TRIB2: variants seen among roughly 807,000 people sequenced by gnomAD.
TRIB2 encodes the protein tribbles homolog 2.
Under a neutral mutation model 26.8 loss-of-function variants are expected in TRIB2, and 2 were observed. The ratio of observed to expected loss-of-function variants is 0.07; its 90% CI spans 0.03 to 0.24. TRIB2 has a LOEUF of 0.24. TRIB2 is among the 10% of genes least tolerant of loss of function. The probability of loss-of-function intolerance (pLI) is 1.00; values close to 1 mark genes in which losing one functional copy is unlikely to be tolerated. For missense variants in TRIB2, 306 were observed against 449.0 expected, an observed-to-expected ratio of 0.68 and a Z score of 2.88; for synonymous variants, 189 against 187.3, an observed-to-expected ratio of 1.01 and a Z score of -0.08.
intron 2 of TRIB2, among the ~76,000 whole-genome samples, chr2:12,731,822 C>T (rs1181021032): frequency 6.6e-6 from 1 of 152,178 alleles, no homozygotes; most frequent in African/African-American, 2.4e-5. Context: ...ACACCTGGAA[C>T]AAGACTGGGA....
At chr2:12,725,362 C>T (rs1200111203) in intron 2 of TRIB2, among the ~76,000 whole-genome samples, 1 of 152,200 alleles carries the variant, frequency 6.6e-6, no homozygotes, top group Non-Finnish European at 1.5e-5. Flanking sequence ...AAAGTGGACC[C>T]GGAGGTTGCA....
chr2:12,735,451 G>A (rs1019776588), intron 2 of TRIB2, among the ~76,000 whole-genome samples: 3 of 151,942 alleles, frequency 2.0e-5, no homozygotes, highest in Non-Finnish European at 2.9e-5. Flanking sequence ...GGTTTCCTCC[G>A]CCAGCTGCTT....
rs749693547 is a variant in TRIB2 at position 12,740,980 on chromosome 2, G to C, written c.*186G>C. 3.2e-6 allele frequency: 2 copies of C among 616,564 alleles called. No homozygotes were observed. The highest frequency in any genetic ancestry group is 3.7e-5 in the African/African-American group (2 of 54,086). 38.2% of individuals were successfully genotyped at this position (616,564 alleles called of 1,614,324 possible). ...CGTAGCATGGGGGCAAGAGGCGTGG[G>C]ATGGGGATTGGGGTGAGATGGATGG... On this transcript the variant is annotated 3_prime_UTR_variant, in exon 3 of 3. Transcript: ENST00000155926. The surrounding 1 kb of genome is among the most constrained non-coding windows in gnomAD (Gnocchi z 5.8).
In TRIB2 at chr2:12,741,400, T is replaced by G. The variant is rs1176; in HGVS notation, c.*606T>G. ...TTTCTTCTAAATAAACTATTTAATA[T>G]CCTGGTCAGGAAATGACATGTTAAT... is the stretch of plus-strand genomic sequence containing the variant. On this transcript the variant is annotated 3_prime_UTR_variant, in exon 3 of 3. Coordinates refer to ENST00000155926, the MANE Select transcript of TRIB2 (RefSeq NM_021643.4). 15,102 of 153,030 alleles carry G rather than the reference T, an allele frequency of 0.099. 1,040 individuals are homozygous for G. The highest frequency in any genetic ancestry group is 0.15 in the Non-Finnish European group (10,472 of 68,296). The allele number at this position is 153,030 out of a possible 1,614,324, so 9.5% of individuals were successfully genotyped here. A position where few individuals can be genotyped will look rare whatever the true frequency, so the allele number is the denominator to read the frequency against.
In TRIB2 at chr2:12,718,466, C is replaced by A. The variant is rs763434178; in HGVS notation, c.159C>A (p.Asn53Lys). Residue 53 changes from asparagine (N) to lysine (K), a missense_variant, in exon 1 of 3, where the codon AAC becomes AAA. Asn to Lys is a moderately conservative substitution (Grantham distance 94, BLOSUM62 0). Transcript: ENST00000155926. The surrounding 1 kb of genome is among the most constrained non-coding windows in gnomAD (Gnocchi z 4.0). The stretch of plus-strand genomic sequence containing the variant: ...CCCCGAGCCCGCCCGAGACTCCGAA[C>A]TTGTCGCATTGCGTTTCTTGTATCG... Reference protein sequence around the residue: ...LGSPSPPETPNLSHCVSCIGK... With the variant: ...LGSPSPPETPKLSHCVSCIGK... The A allele has an allele frequency of 2.5e-6, 4 of 1,614,250 alleles. No homozygotes were observed. Among genetic ancestry groups the A allele is most frequent in the Non-Finnish European group, 3.4e-6 (4 of 1,180,046 alleles).
rs532585565 is a variant in TRIB2, at chr2:12,731,451, T to C, written c.563+7899T>C. Among the ~76,000 whole-genome samples, 10 of 152,084 alleles carry C rather than the reference T, an allele frequency of 6.6e-5. No individual in the cohort carries two copies. In the South Asian group the frequency reaches 8.3e-4, roughly 13 times the overall value. The stretch of plus-strand genomic sequence containing the variant: ...ATGGGTTTGTGATTCCGGAAGTACA[T>C]GTGAAAGATGAACTGGGTAAAGCAG... On this transcript the variant is annotated intron_variant, in intron 2 of 2. Coordinates refer to ENST00000155926, the MANE Select transcript of TRIB2 (RefSeq NM_021643.4).
chr2:12,720,544 A>ATCT (rs375446131), intron 1 of TRIB2, among the ~76,000 whole-genome samples: 454 of 152,342 alleles, frequency 3.0e-3, no homozygotes, highest in African/African-American at 0.011. Flanking sequence ...CCTGAGAGAT[A>ATCT]TATATGCTGT....
At chr2:12,727,420 ATAGGGGT>A (rs1262125481) in intron 2 of TRIB2, among the ~76,000 whole-genome samples, 2 of 152,208 alleles carry the variant, frequency 1.3e-5, no homozygotes, top group Admixed American at 1.3e-4. Context: ...CCCTTGTGAC[ATAGGGGT>A]TCAGATTTAG....
In TRIB2 at chr2:12,718,583, G is replaced by A. The variant is rs748317982; in HGVS notation, c.270+6G>A. 5 of 1,606,650 alleles carry A rather than the reference G, an allele frequency of 3.1e-6. No individual in the cohort carries two copies. The South Asian group carries it at 5.5e-5, about 18-fold the overall frequency. On this transcript the variant is annotated splice_donor_region_variant and intron_variant, in intron 1 of 2. Coordinates refer to ENST00000155926, the MANE Select transcript of TRIB2 (RefSeq NM_021643.4). This position sits in a 1 kb window ranked among gnomAD's most constrained non-coding sequence, Gnocchi z 4.0. ...GAGAGGAGCTGGTGTGCAAGGTAAA[G>A]GGCCAGTGGGTTGCTTTTTGTCTTT...
chr2:12,738,769 C>G (rs922181766), intron 2 of TRIB2, among the ~76,000 whole-genome samples: 1 of 152,124 alleles, frequency 6.6e-6, no homozygotes, highest in Non-Finnish European at 1.5e-5. Flanking sequence ...TGACTTTCAC[C>G]ATAGCCTTGA....
At chr2:12,725,379 G>T (rs1367853369) in intron 2 of TRIB2, among the ~76,000 whole-genome samples, 1 of 152,242 alleles carries the variant, frequency 6.6e-6, no homozygotes, top group Non-Finnish European at 1.5e-5. Flanking sequence ...TGCATAGTCT[G>T]TGTGGCACTC....
chr2:12,742,216 T>A lies in TRIB2; in HGVS notation c.*1422T>A, dbSNP rs1191573737. The A allele has an allele frequency of 2.0e-5, 3 of 152,690 alleles. No individual in the cohort carries two copies. Among genetic ancestry groups the A allele is most frequent in the African/African-American group, 7.2e-5 (3 of 41,476 alleles). The allele number at this position is 152,690 out of a possible 1,614,324, so 9.5% of individuals were successfully genotyped here. Reference sequence around the variant, plus strand: ...ATTGCTGTATGATACAGAACTCTTTTGGCATAAATATTTGTGTTCCCAGTA... The same window carrying A: ...ATTGCTGTATGATACAGAACTCTTTAGGCATAAATATTTGTGTTCCCAGTA... On this transcript the variant is annotated 3_prime_UTR_variant, in exon 3 of 3. Coordinates refer to ENST00000155926, the MANE Select transcript of TRIB2 (RefSeq NM_021643.4).
intron 2 of TRIB2, among the ~76,000 whole-genome samples, chr2:12,725,945 C>T (rs1037817015): frequency 1.2e-4 from 18 of 152,222 alleles, no homozygotes; most frequent in African/African-American, 4.1e-4. Flanking sequence ...TCCATCTGAT[C>T]AGTGAGGTTA....
chr2:12,741,285 C>T lies in TRIB2; in HGVS notation c.*491C>T, dbSNP rs542628717. 43 of 156,738 alleles carry T rather than the reference C, an allele frequency of 2.7e-4. 1 individual carries two copies. Among genetic ancestry groups the T allele is most frequent in the Non-Finnish European group, 5.4e-4 (38 of 70,574 alleles). 9.7% of individuals were successfully genotyped at this position (156,738 alleles called of 1,614,324 possible). On this transcript the variant is annotated 3_prime_UTR_variant, in exon 3 of 3. Coordinates refer to ENST00000155926, the MANE Select transcript of TRIB2 (RefSeq NM_021643.4). ...ATGAGGTTCACTTAAAAAAAAAATT[C>T]GGTGCACACAGACTGACATGAAACC... is the stretch of plus-strand genomic sequence containing the variant.
Position 12,740,887 on chromosome 2 carries a change from A to G in TRIB2, c.*93A>G. On this transcript the variant is annotated 3_prime_UTR_variant, in exon 3 of 3. Coordinates refer to ENST00000155926, the MANE Select transcript of TRIB2 (RefSeq NM_021643.4). This position sits in a 1 kb window ranked among gnomAD's most constrained non-coding sequence, Gnocchi z 5.8. The stretch of plus-strand genomic sequence containing the variant: ...GGGGACACGAATTGCCTGGCTGAGT[A>G]GCAAGAAAGACACACTCTTAAGTTT... The G allele has an allele frequency of 8.4e-7, 1 of 1,189,334 alleles. No homozygotes were observed. The highest frequency in any genetic ancestry group is 1.2e-6 in the Non-Finnish European group (1 of 843,414). The allele number at this position is 1,189,334 out of a possible 1,614,324, so 73.7% of individuals were successfully genotyped here.
At position 12,740,315 on chromosome 2, in the gene TRIB2, C is replaced by T. The variant is rs1661686331; in HGVS notation, c.564-11C>T. 6.2e-7 allele frequency: 1 copy of T among 1,610,318 alleles called. No homozygotes were observed. Among genetic ancestry groups the T allele is most frequent in the Non-Finnish European group, 8.5e-7 (1 of 1,177,242 alleles). ...ACCCTCAGGAGCTTATGTTTTCCTC[C>T]TTTCTTGCAGGACTCGGGTCAAGCT... On this transcript the variant is annotated splice_polypyrimidine_tract_variant and intron_variant, in intron 2 of 2. Coordinates refer to ENST00000155926, the MANE Select transcript of TRIB2 (RefSeq NM_021643.4). The surrounding 1 kb of genome is among the most constrained non-coding windows in gnomAD (Gnocchi z 5.8).
chr2:12,719,394 A>T, intron 1 of TRIB2, among the ~76,000 whole-genome samples: 1 of 152,032 alleles, frequency 6.6e-6, no homozygotes. Flanking sequence ...TTAACCCTGA[A>T]CAGTGACTGG....
At chr2:12,739,801 A>G (rs758710359) in intron 2 of TRIB2, among the ~76,000 whole-genome samples, 1 of 152,220 alleles carries the variant, frequency 6.6e-6, no homozygotes, top group Non-Finnish European at 1.5e-5. Context: ...TTAATATCCT[A>G]CGTGTCTAAT....
At chr2:12,726,849 G>T (rs1031009889) in intron 2 of TRIB2, among the ~76,000 whole-genome samples, 1 of 152,224 alleles carries the variant, frequency 6.6e-6, no homozygotes, top group African/African-American at 2.4e-5. Context: ...CCCACCTGGT[G>T]CAGAAGAAGA....
Sources: gnomAD v4.1 joint callset for allele counts (sites outside exome capture counted in the v4.1 genomes callset) on GRCh38, gnomAD v4.1.1 for gene constraint, Gnocchi (gnomAD v3.1) non-coding constraint, MANE v1.5 for transcripts, NCBI Gene and HGNC (gene_info 2026-07-23, HGNC 2026-07-21) for gene names.